The following DTX1 variants were observed in gnomAD, a reference collection of about 807,000 sequenced individuals.
The protein encoded by DTX1 is E3 ubiquitin-protein ligase DTX1.
In DTX1, 26 loss-of-function variants were observed where a neutral mutation model predicts 57.8. The observed-to-expected ratio is 0.45, with a 90% confidence interval of 0.33 to 0.62. The LOEUF (loss-of-function observed/expected upper bound fraction) is 0.62. DTX1 is among the 20% of genes least tolerant of loss of function. The probability of loss-of-function intolerance (pLI) is 0.02; values close to 1 mark genes in which losing one functional copy is unlikely to be tolerated. For synonymous variants in DTX1, 398 were observed against 394.1 expected, an observed-to-expected ratio of 1.01 and a Z score of -0.12; for missense variants, 704 against 895.3, an observed-to-expected ratio of 0.79 and a Z score of 2.73.
intron 6 of DTX1, among the ~76,000 whole-genome samples, chr12:113,094,403 A>C (rs1446371609): frequency 6.6e-6 from 1 of 152,062 alleles, no homozygotes; most frequent in African/African-American, 2.4e-5. Context: ...TTCCTCTGTG[A>C]TATATCAGAA....
rs1286009372 is a variant in DTX1, at chr12:113,093,317, T to G, written c.1003+94T>G. ...TGACCCCGCCCCCGAGATGGGCTGGTGAGCGTGGCCCGGAGGAAACGCCCC... is the reference window on the plus strand; with the variant it reads ...TGACCCCGCCCCCGAGATGGGCTGGGGAGCGTGGCCCGGAGGAAACGCCCC... On this transcript the variant is annotated intron_variant, in intron 4 of 9. Transcript: ENST00000548759. The surrounding 1 kb of genome is among the most constrained non-coding windows in gnomAD (Gnocchi z 4.2). 4.8e-6 allele frequency: 7 copies of G among 1,453,480 alleles called. No homozygotes were observed. The South Asian group carries it at 5.0e-5, about 10-fold the overall frequency. The allele number at this position is 1,453,480 out of a possible 1,614,324, so 90.0% of individuals were successfully genotyped here.
At chr12:113,092,726 A>G (rs1399047609) in intron 3 of DTX1, among the ~76,000 whole-genome samples, 1 of 152,186 alleles carries the variant, frequency 6.6e-6, no homozygotes, top group Non-Finnish European at 1.5e-5. Flanking sequence ...ACGTGTTCCT[A>G]ACTTACTTGA....
chr12:113,058,860 T>A (rs557104289), intron 2 of DTX1, among the ~76,000 whole-genome samples: 1 of 152,334 alleles, frequency 6.6e-6, no homozygotes, highest in East Asian at 1.9e-4. Context: ...GCAGTAAGTC[T>A]GTGTATTGTT....
chr12:113,070,476 T>C (rs1220595964), intron 2 of DTX1, among the ~76,000 whole-genome samples: 1 of 152,150 alleles, frequency 6.6e-6, no homozygotes, highest in Admixed American at 6.5e-5. Context: ...CTGCTGGGCC[T>C]TGAAGCTGGC....
In DTX1 at chr12:113,095,176, C is replaced by G. The variant is rs777051186; in HGVS notation, c.1521C>G (p.Ile507Met). Residue 507 changes from isoleucine (I) to methionine (M), a missense_variant, in exon 8 of 10, where the codon ATC becomes ATG. This residue lies in a region of DTX1 where 168 missense variants were observed against 255.6 expected (regional missense o/e 0.66). Transcript: ENST00000548759. Reference protein sequence around the residue: ...PGFPDTQTIRIVYDIPTGIQG... With the variant: ...PGFPDTQTIRMVYDIPTGIQG... Reference sequence around the variant, plus strand: ...TCCCTGATACCCAGACCATCCGCATCGTCTATGACATCCCCACAGGCATCC... The same window carrying G: ...TCCCTGATACCCAGACCATCCGCATGGTCTATGACATCCCCACAGGCATCC... 8 of 1,607,370 alleles carry G rather than the reference C, an allele frequency of 5.0e-6. No homozygotes were observed. The East Asian group carries it at 1.1e-4, about 22-fold the overall frequency.
intron 6 of DTX1, 96 bp downstream of exon 6, chr12:113,094,195 T>C (rs1950268861): frequency 9.1e-7 from 1 of 1,104,146 alleles, no homozygotes. Context: ...ACAGAGCTCT[T>C]CTAGTTTGTT....
At position 113,097,104 on chromosome 12, in the gene DTX1, T is replaced by A. The variant is rs1950311625; in HGVS notation, c.*165T>A. The A allele has an allele frequency of 1.3e-6, 1 of 741,320 alleles. No individual in the cohort carries two copies. Among genetic ancestry groups the A allele is most frequent in the Non-Finnish European group, 2.1e-6 (1 of 467,776 alleles). The allele number at this position is 741,320 out of a possible 1,614,324, so 45.9% of individuals were successfully genotyped here. On this transcript the variant is annotated 3_prime_UTR_variant, in exon 10 of 10. Coordinates refer to ENST00000548759, the MANE Select transcript of DTX1 (RefSeq NM_004416.3). ...TGGTGGCAGCTGGGATGAAGAGAGA[T>A]GGCATGTCAGGCTGGCCCCGAATCA...
At chr12:113,096,439 C>CAAAAAAAAAAAAA (rs56194115) in intron 9 of DTX1, among the ~76,000 whole-genome samples, 4 of 92,768 alleles carry the variant, frequency 4.3e-5, no homozygotes, top group East Asian at 3.2e-4. Flanking sequence ...GACTCTGCCT[C>CAAAAAAAAAAAAA]AAAAAAAAAA....
chr12:113,078,141 C>G, intron 3 of DTX1, 36 bp downstream of exon 3: 2 of 1,317,492 alleles, frequency 1.5e-6, no homozygotes, highest in Non-Finnish European at 1.9e-6. Context: ...GCCTCTGCGT[C>G]GTCCGCAGGC....
At chr12:113,083,486 C>T (rs970904671) in intron 3 of DTX1, among the ~76,000 whole-genome samples, 3 of 152,130 alleles carry the variant, frequency 2.0e-5, no homozygotes, top group Middle Eastern at 3.2e-3. Flanking sequence ...CCACCATGAC[C>T]GGCTATTTTT....
Position 113,097,262 on chromosome 12 carries a change from C to T in DTX1, c.*323C>T. ...GCACACCCACGTGCCTGTACTTGCCCCCAGGCTGGAAGAGAAGAGACAGAA... is the reference window on the plus strand; with the variant it reads ...GCACACCCACGTGCCTGTACTTGCCTCCAGGCTGGAAGAGAAGAGACAGAA... On this transcript the variant is annotated 3_prime_UTR_variant, in exon 10 of 10. Transcript: ENST00000548759. 6.9e-6 allele frequency: 2 copies of T among 291,894 alleles called. No individual in the cohort carries two copies. Among genetic ancestry groups the T allele is most frequent in the South Asian group, 5.8e-5 (1 of 17,244 alleles). 18.1% of individuals were successfully genotyped at this position (291,894 alleles called of 1,614,324 possible). A position where few individuals can be genotyped will look rare whatever the true frequency, so the allele number is the denominator to read the frequency against.
intron 2 of DTX1, among the ~76,000 whole-genome samples, chr12:113,070,512 G>C (rs35450040): frequency 0.16 from 24,127 of 152,220 alleles, 2,566 homozygotes; most frequent in Middle Eastern, 0.33. Context: ...ACCGTTTAGA[G>C]GCTGAGGGAC....
chr12:113,085,185 G>T (rs1318792149), intron 3 of DTX1, among the ~76,000 whole-genome samples: 1 of 152,102 alleles, frequency 6.6e-6, no homozygotes, highest in African/African-American at 2.4e-5. Context: ...GAGTATCTGG[G>T]ACTACAGGCG....
Position 113,057,700 on chromosome 12 carries a change from C to T in DTX1, c.-493C>T, listed in dbSNP as rs1240808713. On this transcript the variant is annotated 5_prime_UTR_variant, in exon 2 of 10. Transcript: ENST00000548759. ...CCAGACCGGAGGGAGGCGAGAAGCC[C>T]CACTGAAGCCGGGCGCAGGGTCTGG... 2 of 157,134 alleles carry T rather than the reference C, an allele frequency of 1.3e-5. No homozygotes were observed. Among genetic ancestry groups the T allele is most frequent in the East Asian group, 1.9e-4 (1 of 5,250 alleles). The allele number at this position is 157,134 out of a possible 1,614,324, so 9.7% of individuals were successfully genotyped here. A position where few individuals can be genotyped will look rare whatever the true frequency, so the allele number is the denominator to read the frequency against.
rs563398881 is a variant in DTX1, at chr12:113,082,164, G to A, written c.941+4059G>A. Among the ~76,000 whole-genome samples the A allele has an allele frequency of 2.0e-4, 31 of 152,232 alleles. No individual in the cohort carries two copies. The South Asian group carries it at 4.8e-3, about 23-fold the overall frequency. On this transcript the variant is annotated intron_variant, in intron 3 of 9. Transcript: ENST00000548759. ...CTCCCTGAGCCCAGACATTGGCCTG[G>A]AAAACAGAAGATGTGGGGTGGGGGA... is the stretch of plus-strand genomic sequence containing the variant.
intron 3 of DTX1, among the ~76,000 whole-genome samples, 194 bp downstream of exon 3, chr12:113,078,299 T>C (rs574352751): frequency 1.6e-4 from 25 of 152,142 alleles, no homozygotes; most frequent in Non-Finnish European, 3.2e-4. Flanking sequence ...CACACATCTA[T>C]CTCCATGCAT....
intron 2 of DTX1, among the ~76,000 whole-genome samples, chr12:113,063,054 G>T (rs2044676291): frequency 6.6e-6 from 1 of 152,226 alleles, no homozygotes; most frequent in South Asian, 2.1e-4. Context: ...CGAGGGATGG[G>T]TCGCTTGCTC....
At chr12:113,096,266 G>A (rs1950290331) in intron 9 of DTX1, among the ~76,000 whole-genome samples, 1 of 150,806 alleles carries the variant, frequency 6.6e-6, no homozygotes, top group South Asian at 2.1e-4. Context: ...CACTTGGGGA[G>A]GCCGAGGTGG....
chr12:113,086,189 G>A (rs909444937), intron 3 of DTX1, among the ~76,000 whole-genome samples: 6 of 151,666 alleles, frequency 4.0e-5, no homozygotes, highest in Non-Finnish European at 2.9e-5. Context: ...GATCCCTTGA[G>A]CCCAGGTTGC....
Sources: allele counts gnomAD v4.1 joint callset (sites outside exome capture counted in the v4.1 genomes callset), GRCh38; gene constraint gnomAD v4.1.1; regional missense constraint gnomAD v4.1.1; non-coding constraint Gnocchi (gnomAD v3.1); transcripts MANE v1.5; gene names NCBI Gene and HGNC (gene_info 2026-07-23, HGNC 2026-07-21).